The following KTN1 variants were observed in gnomAD, a reference collection of about 807,000 sequenced individuals.
KTN1 encodes kinectin 1.
KTN1 carries 130 observed loss-of-function variants against 222.5 expected under a neutral mutation model. The ratio of observed to expected loss-of-function variants is 0.58; its 90% CI spans 0.51 to 0.68. The LOEUF is 0.68. KTN1 is among the 30% of genes least tolerant of loss of function. The pLI, the probability that KTN1 is intolerant of heterozygous loss-of-function variation, is 0.00. For synonymous variants in KTN1, 512 were observed against 496.3 expected (o/e 1.03, Z -0.42); for missense variants, 1,508 against 1,500.4 (o/e 1.01, Z -0.08).
Position 55,640,447 on chromosome 14 carries a change from AT to A in KTN1, c.1983+6del. On this transcript the variant is annotated splice_donor_region_variant and intron_variant, in intron 15 of 43. Transcript: ENST00000395314. ...CAGGCCCTGGCAAATGAGCAGGTAG[AT>A]CTTTATTGCTTTTGAGCATTGATCT... 6.3e-6 allele frequency: 10 copies of A among 1,592,814 alleles called. No individual in the cohort carries two copies. Among genetic ancestry groups the A allele is most frequent in the Non-Finnish European group, 8.6e-6 (10 of 1,167,454 alleles).
At chr14:55,595,507 T>TA (rs2034876192) in intron 1 of KTN1, among the ~76,000 whole-genome samples, 1 of 152,218 alleles carries the variant, frequency 6.6e-6, no homozygotes, top group African/African-American at 2.4e-5. Context: ...AAACCTTTAA[T>TA]TGGTTTGCCC....
At chr14:55,599,285 C>A (rs1002511276) in intron 1 of KTN1, among the ~76,000 whole-genome samples, 1 of 152,026 alleles carries the variant, frequency 6.6e-6, no homozygotes, top group African/African-American at 2.4e-5. Flanking sequence ...TTGGGATCTA[C>A]TCCCTGTTTG....
At chr14:55,593,920 C>CTGTTGCTGTTACCTTTAGGAACAAAACCT (rs553736887) in intron 1 of KTN1, among the ~76,000 whole-genome samples, 94 of 152,192 alleles carry the variant, frequency 6.2e-4, no homozygotes, top group African/African-American at 2.1e-3. Context: ...GAACCTTGTT[C>CTGTTGCTGTTACCTTTAGGAACAAAACCT]TGTTTTGTTG....
intron 8 of KTN1, among the ~76,000 whole-genome samples, chr14:55,633,722 G>A (rs2040789356): frequency 6.6e-6 from 1 of 152,018 alleles, no homozygotes; most frequent in East Asian, 1.9e-4. Flanking sequence ...TTTCACAGTA[G>A]CTCCCAAACT....
intron 37 of KTN1, 29 bp from the exon 38 acceptor site, chr14:55,672,601 C>T (rs1404841713): frequency 1.4e-6 from 2 of 1,431,188 alleles, no homozygotes; most frequent in African/African-American, 2.8e-5. Flanking sequence ...GGTGGTTTTA[C>T]TTGGCCATGT....
At chr14:55,669,922 A>T (rs1008764983) in intron 34 of KTN1, among the ~76,000 whole-genome samples, 1 of 152,022 alleles carries the variant, frequency 6.6e-6, no homozygotes, top group African/African-American at 2.4e-5. Flanking sequence ...TTTTTTTCTT[A>T]AATTTAATCC....
chr14:55,664,787 C>T (rs2044524209), intron 33 of KTN1, among the ~76,000 whole-genome samples: 2 of 152,112 alleles, frequency 1.3e-5, no homozygotes, highest in Middle Eastern at 3.4e-3. Context: ...TTGAATCTGC[C>T]AGTCCAGTTA....
At chr14:55,608,696 T>C (rs1329825608) in intron 1 of KTN1, among the ~76,000 whole-genome samples, 1 of 151,654 alleles carries the variant, frequency 6.6e-6, no homozygotes, top group Non-Finnish European at 1.5e-5. Context: ...CGATCTCAGC[T>C]TACTGTCACT....
intron 1 of KTN1, among the ~76,000 whole-genome samples, chr14:55,606,958 G>T (rs1004120504): frequency 2.6e-5 from 4 of 152,136 alleles, no homozygotes; most frequent in Non-Finnish European, 4.4e-5. Flanking sequence ...ATGGTTGTGT[G>T]ATGTGTCTTC....
At chr14:55,673,387 C>G in intron 40 of KTN1, 132 bp downstream of exon 40, 1 of 530,912 alleles carries the variant, frequency 1.9e-6, no homozygotes. Flanking sequence ...CTAAGATAAT[C>G]TTCATATTCC....
intron 27 of KTN1, 72 bp downstream of exon 27, chr14:55,653,157 A>T: frequency 9.8e-7 from 1 of 1,018,432 alleles, no homozygotes; most frequent in Non-Finnish European, 1.5e-6. Context: ...TTAGAAAGTA[A>T]AGATGTTAAT....
At position 55,634,544 on chromosome 14, in the gene KTN1, T is replaced by C; in HGVS notation, c.1347T>C (p.Asn449=). The C allele has an allele frequency of 6.2e-7, 1 of 1,612,760 alleles. No homozygotes were observed. The highest frequency in any genetic ancestry group is 8.5e-7 in the Non-Finnish European group (1 of 1,179,560). The change falls in exon 9 of 44, where the codon AAT becomes AAC. Residue 449 remains asparagine (N), a synonymous_variant. Coordinates refer to ENST00000395314, the MANE Select transcript of KTN1 (RefSeq NM_001079521.2). ...QLESKQSAEL[N]KLRQDYARLV... is the part of the protein sequence containing the mutation. Reference sequence around the variant, plus strand: ...TTTTCAGGCAGTCTGCAGAACTAAATAAACTACGCCAGGATTATGCTAGGT... The same window carrying C: ...TTTTCAGGCAGTCTGCAGAACTAAACAAACTACGCCAGGATTATGCTAGGT...
chr14:55,592,535 G>C (rs941505764), intron 1 of KTN1, among the ~76,000 whole-genome samples: 1 of 152,196 alleles, frequency 6.6e-6, no homozygotes, highest in Non-Finnish European at 1.5e-5. Context: ...TATGGGACTT[G>C]ACTATGGGAG....
At chr14:55,672,594 G>C (rs2045543903) in intron 37 of KTN1, 36 bp from the exon 38 acceptor site, 3 of 1,283,024 alleles carry the variant, frequency 2.3e-6, no homozygotes, top group Non-Finnish European at 3.4e-6. Flanking sequence ...TATCCTTGGT[G>C]GTTTTACTTG....
At chr14:55,679,510 T>TACATTTCTTTTCCTTGGTTG in intron 42 of KTN1, 55 bp from the exon 43 acceptor site, 5 of 1,458,464 alleles carry the variant, frequency 3.4e-6, no homozygotes. Context: ...TTGTTTGGTT[T>TACATTTCTTTTCCTTGGTTG]TACATTTCTT....
intron 31 of KTN1, among the ~76,000 whole-genome samples, chr14:55,660,388 AGTT>A (rs758350970): frequency 8.6e-6 from 1 of 116,460 alleles, no homozygotes; most frequent in East Asian, 2.5e-4. Context: ...TTTCTTAAGG[AGTT>A]TTTTTTTTTT....
In KTN1 at chr14:55,627,980, G is replaced by T. The variant is rs1386694012; in HGVS notation, c.1032G>T (p.Val344=). The T allele has an allele frequency of 6.2e-7, 1 of 1,613,770 alleles. No individual in the cohort carries two copies. Among genetic ancestry groups the T allele is most frequent in the Non-Finnish European group, 8.5e-7 (1 of 1,179,826 alleles). Residue 344 remains valine, a synonymous_variant, in exon 6 of 44, where the codon GTG becomes GTT. Transcript: ENST00000395314. The part of the protein sequence containing the change: ...LQEKDKLLAA[V]KEDAAATKDR... ...AAAAGGACAAGTTACTCGCTGCTGT[G>T]AAGGAAGATGCTGCTGCTACAAAGG...
chr14:55,653,471 A>G, intron 27 of KTN1, 88 bp from the exon 28 acceptor site: 2 of 973,356 alleles, frequency 2.1e-6, no homozygotes, highest in South Asian at 3.1e-5. Context: ...TTTTGTTTTT[A>G]TTGGTGGGTG....
chr14:55,595,027 T>C (rs2034783895), intron 1 of KTN1, among the ~76,000 whole-genome samples: 1 of 152,224 alleles, frequency 6.6e-6, no homozygotes, highest in Admixed American at 6.5e-5. Flanking sequence ...CAAACACAAG[T>C]TGTTCACAAC....
Sources: gnomAD v4.1 joint callset for allele counts (sites outside exome capture counted in the v4.1 genomes callset) on GRCh38, gnomAD v4.1.1 for gene constraint, MANE v1.5 for transcripts, NCBI Gene and HGNC (gene_info 2026-07-23, HGNC 2026-07-21) for gene names.